RABL3: variants seen among roughly 807,000 people sequenced by gnomAD.
RABL3 encodes the protein rab-like protein 3.
In RABL3, 31 loss-of-function variants were observed where a neutral mutation model predicts 31.8. That is an observed-to-expected ratio of 0.97 (90% CI 0.73 to 1.31). The LOEUF (loss-of-function observed/expected upper bound fraction) is 1.31, where lower values mean the gene tolerates loss of function less well. Among genes scored for constraint, RABL3 ranks in the 40% most tolerant of loss-of-function variants. The pLI is 0.00. For synonymous variants in RABL3, 97 were observed against 99.9 expected, an observed-to-expected ratio of 0.97 and a Z score of 0.18; for missense variants, 263 against 279.6, an observed-to-expected ratio of 0.94 and a Z score of 0.42.
chr3:120,723,531 GCA>G (rs1708776223), intron 2 of RABL3, among the ~76,000 whole-genome samples: 1 of 152,094 alleles, frequency 6.6e-6, no homozygotes, highest in Non-Finnish European at 1.5e-5. Flanking sequence ...CTGAGGAACA[GCA>G]ATGCAAAAAT....
chr3:120,724,831 T>C (rs6778803), intron 2 of RABL3, among the ~76,000 whole-genome samples: 148,997 of 151,168 alleles, frequency 0.99, 73,440 homozygotes, highest in East Asian at 1. Context: ...ATGTTAGACC[T>C]AAAACCATAA....
intron 2 of RABL3, among the ~76,000 whole-genome samples, chr3:120,721,810 G>C (rs969136978): frequency 6.6e-6 from 1 of 152,160 alleles, no homozygotes; most frequent in African/African-American, 2.4e-5. Flanking sequence ...ATTGAACTCA[G>C]CTCTGCACCA....
intron 5 of RABL3, among the ~76,000 whole-genome samples, chr3:120,694,875 A>G (rs1375496331): frequency 6.6e-6 from 1 of 151,998 alleles, no homozygotes; most frequent in African/African-American, 2.4e-5. Flanking sequence ...TGGGCCCAGA[A>G]GGGACAAAAC....
intron 4 of RABL3, among the ~76,000 whole-genome samples, chr3:120,702,287 T>C (rs756829387): frequency 1.2e-4 from 18 of 152,128 alleles, no homozygotes; most frequent in Non-Finnish European, 2.6e-4. Context: ...TGGGGGATGG[T>C]TTCAGGATGA....
chr3:120,709,877 C>T lies in RABL3; in HGVS notation c.171G>A (p.Glu57=). 1 of 1,608,056 alleles carries T rather than the reference C, an allele frequency of 6.2e-7. No homozygotes were observed. The highest frequency in any genetic ancestry group is 8.5e-7 in the Non-Finnish European group (1 of 1,176,012). Residue 57 remains glutamate, a synonymous_variant, in exon 3 of 8, where the codon GAG becomes GAA. Transcript: ENST00000273375. ...CCCATAATTCTATGTAGTAGGTCTTCTCTTCTGGGGTTCCTTCTTTGTAAT... is the reference window on the plus strand; with the variant it reads ...CCCATAATTCTATGTAGTAGGTCTTTTCTTCTGGGGTTCCTTCTTTGTAAT... ...VHDYKEGTPE[E]KTYYIELWDV...
chr3:120,732,378 T>C (rs1708894420), intron 1 of RABL3, among the ~76,000 whole-genome samples: 1 of 152,126 alleles, frequency 6.6e-6, no homozygotes, highest in South Asian at 2.1e-4. Flanking sequence ...ACCCTGTACA[T>C]TTTCCTAGAG....
At chr3:120,695,482 A>AT (rs1576330902) in intron 5 of RABL3, among the ~76,000 whole-genome samples, 1 of 152,086 alleles carries the variant, frequency 6.6e-6, no homozygotes, top group Non-Finnish European at 1.5e-5. Context: ...ATTTCACGGG[A>AT]TTTTTGTGAA....
At chr3:120,732,121 T>G (rs1033116897) in intron 1 of RABL3, among the ~76,000 whole-genome samples, 4 of 152,066 alleles carry the variant, frequency 2.6e-5, no homozygotes, top group Admixed American at 2.6e-4. Context: ...ACAAGAAAAG[T>G]TTTTCTATGA....
Position 120,722,545 on chromosome 3 carries a change from A to T in RABL3, c.138+8151T>A, listed in dbSNP as rs189824723. ...CGCCTTCCATGATCACGCCATTATA[A>T]TCATCTTCCTATTCAGCTTCCTAGT... On this transcript the variant is annotated intron_variant, in intron 2 of 7. Transcript: ENST00000273375. The T allele has an allele frequency of 3.3e-3, 497 of 152,308 alleles. 1 individual carries two copies. The highest frequency in any genetic ancestry group is 0.011 in the African/African-American group (463 of 41,566). 9.4% of individuals were successfully genotyped at this position (152,308 alleles called of 1,614,324 possible).
At chr3:120,721,702 C>G (rs1050113888) in intron 2 of RABL3, among the ~76,000 whole-genome samples, 1 of 152,094 alleles carries the variant, frequency 6.6e-6, no homozygotes, top group South Asian at 2.1e-4. Flanking sequence ...CCTACAAAGA[C>G]ACTTAGACTC....
At chr3:120,725,912 C>T (rs899686195) in intron 2 of RABL3, among the ~76,000 whole-genome samples, 6 of 151,900 alleles carry the variant, frequency 3.9e-5, no homozygotes, top group African/African-American at 7.3e-5. Context: ...CAAACCTGCA[C>T]GTTGTGCACA....
At position 120,709,920 on chromosome 3, in the gene RABL3, A is replaced by C; in HGVS notation, c.139-11T>G. On this transcript the variant is annotated splice_polypyrimidine_tract_variant and intron_variant, in intron 2 of 7. Coordinates refer to ENST00000273375, the MANE Select transcript of RABL3 (RefSeq NM_173825.5). ...TTTGTAATCATGAACCTAACAAATC[A>C]ATCAATTAAAATAATTAATATAGCC... 2 of 1,572,354 alleles carry C rather than the reference A, an allele frequency of 1.3e-6. No homozygotes were observed. The highest frequency in any genetic ancestry group is 1.7e-6 in the Non-Finnish European group (2 of 1,156,870).
intron 1 of RABL3, among the ~76,000 whole-genome samples, chr3:120,733,487 C>A (rs368283949): frequency 6.6e-6 from 1 of 152,000 alleles, no homozygotes; most frequent in African/African-American, 2.4e-5. Context: ...AGATTGCAAA[C>A]ATTTTCTCCC....
At chr3:120,708,679 A>G (rs1044934056) in intron 3 of RABL3, among the ~76,000 whole-genome samples, 3 of 152,022 alleles carry the variant, frequency 2.0e-5, no homozygotes, top group African/African-American at 7.2e-5. Context: ...TATGCATTCT[A>G]TTCATATATA....
chr3:120,740,247 A>G (rs1447882373), intron 1 of RABL3, among the ~76,000 whole-genome samples: 1 of 152,146 alleles, frequency 6.6e-6, no homozygotes, highest in African/African-American at 2.4e-5. Flanking sequence ...AAATCACCAA[A>G]TATCAACTTA....
rs779520319 is a variant in RABL3 at position 120,742,443 on chromosome 3, G to A, written c.46+19C>T. 1.2e-6 allele frequency: 2 copies of A among 1,613,270 alleles called. No homozygotes were observed. Among genetic ancestry groups the A allele is most frequent in the Non-Finnish European group, 1.7e-6 (2 of 1,179,158 alleles). On this transcript the variant is annotated intron_variant, in intron 1 of 7. Transcript: ENST00000273375. ...ACTCAAAAGTGTCTGGAGCCCCAGA[G>A]GTAGGGTAAGCCGCTCACCTGAGTC...
At chr3:120,710,084 GTTAA>G (rs988426458) in intron 2 of RABL3, among the ~76,000 whole-genome samples, 175 bp from the exon 3 acceptor site, 1 of 151,976 alleles carries the variant, frequency 6.6e-6, no homozygotes, top group Non-Finnish European at 1.5e-5. Flanking sequence ...GGACCTTATA[GTTAA>G]TTAATCTTAA....
intron 1 of RABL3, among the ~76,000 whole-genome samples, chr3:120,732,292 CTAGTTA>C (rs923110170): frequency 2.6e-5 from 4 of 152,282 alleles, no homozygotes; most frequent in African/African-American, 9.6e-5. Context: ...CAGCATCATT[CTAGTTA>C]TAAAGTATTT....
At chr3:120,740,637 C>T (rs552075359) in intron 1 of RABL3, among the ~76,000 whole-genome samples, 2 of 152,230 alleles carry the variant, frequency 1.3e-5, no homozygotes, top group South Asian at 4.2e-4. Flanking sequence ...AATAAACTTT[C>T]GGGTTTGAAA....
Sources: allele counts gnomAD v4.1 joint callset (sites outside exome capture counted in the v4.1 genomes callset), GRCh38; gene constraint gnomAD v4.1.1; transcripts MANE v1.5; gene names NCBI Gene and HGNC (gene_info 2026-07-23, HGNC 2026-07-21).